The following ZNF347 variants were observed in gnomAD, a reference collection of about 807,000 sequenced individuals.
ZNF347 encodes the protein zinc finger protein 347, also known as CTD-2620I22.7.
In ZNF347, 19 loss-of-function variants were observed where a neutral mutation model predicts 12.9. That is an observed-to-expected ratio of 1.47 (90% confidence interval 1.03 to 2.16). The LOEUF (loss-of-function observed/expected upper bound fraction) is 2.16, where lower values mean the gene tolerates loss of function less well. Among genes scored for constraint, ZNF347 ranks in the 30% most tolerant of loss-of-function variants. ZNF347 has a pLI of 0.00. For synonymous variants in ZNF347, 328 were observed against 340.6 expected, an observed-to-expected ratio of 0.96 and a Z score of 0.41; for missense variants, 1,005 against 990.6, an observed-to-expected ratio of 1.01 and a Z score of -0.19.
chr19:53,137,039 C>T lies in ZNF347; in HGVS notation c.*3269G>A, dbSNP rs1389501156. On this transcript the variant is annotated 3_prime_UTR_variant, in exon 5 of 5. Transcript: ENST00000334197. Reference sequence around the variant, plus strand: ...TAGCTAGGACTACAGGAGTGCGCCACCACACCTGGCTAATTTTTGTATTTT... The same window carrying T: ...TAGCTAGGACTACAGGAGTGCGCCATCACACCTGGCTAATTTTTGTATTTT... The T allele has an allele frequency of 6.6e-6, 1 of 152,248 alleles. No homozygotes were observed. Among genetic ancestry groups the T allele is most frequent in the African/African-American group, 2.4e-5 (1 of 41,434 alleles). The allele number at this position is 152,248 out of a possible 1,614,324, so 9.4% of individuals were successfully genotyped here. A position where few individuals can be genotyped will look rare whatever the true frequency, so the allele number is the denominator to read the frequency against.
chr19:53,149,006 T>C (rs764169325), intron 3 of ZNF347, 197 bp from the exon 4 acceptor site: 41 of 1,089,824 alleles, frequency 3.8e-5, no homozygotes, highest in Non-Finnish European at 4.8e-5. Context: ...AACCACTGAA[T>C]CAAAGCATGG....
intron 4 of ZNF347, among the ~76,000 whole-genome samples, chr19:53,145,677 G>A (rs903128551): frequency 3.3e-5 from 5 of 151,940 alleles, no homozygotes; most frequent in Admixed American, 6.6e-5. Flanking sequence ...CCAGGCATGA[G>A]CCACCATGCC....
chr19:53,140,109 A>C lies in ZNF347; in HGVS notation c.*199T>G. 1.9e-6 allele frequency: 1 copy of C among 526,680 alleles called. No homozygotes were observed. Among genetic ancestry groups the C allele is most frequent in the Non-Finnish European group, 3.3e-6 (1 of 303,986 alleles). The allele number at this position is 526,680 out of a possible 1,614,324, so 32.6% of individuals were successfully genotyped here. A position where few individuals can be genotyped will look rare whatever the true frequency, so the allele number is the denominator to read the frequency against. On this transcript the variant is annotated 3_prime_UTR_variant, in exon 5 of 5. Coordinates refer to ENST00000334197, the MANE Select transcript of ZNF347 (RefSeq NM_032584.3). Reference sequence around the variant, plus strand: ...GAAATGGGGTTTCGCCATGTTGGTCAGGCTGGTCTTGAACTCCTGACCTCA... The same window carrying C: ...GAAATGGGGTTTCGCCATGTTGGTCCGGCTGGTCTTGAACTCCTGACCTCA...
At chr19:53,146,428 C>T (rs2090463885) in intron 4 of ZNF347, among the ~76,000 whole-genome samples, 1 of 152,012 alleles carries the variant, frequency 6.6e-6, no homozygotes, top group Admixed American at 6.6e-5. Context: ...AAACGCACTA[C>T]CATGCTTGGC....
At chr19:53,154,943 G>GT (rs562142775) in intron 1 of ZNF347, among the ~76,000 whole-genome samples, 405 of 144,122 alleles carry the variant, frequency 2.8e-3, no homozygotes, top group Middle Eastern at 0.014. Context: ...GTTTTGTTTT[G>GT]TTTTTTTTTT....
chr19:53,154,171 C>T (rs2146814149), intron 1 of ZNF347, among the ~76,000 whole-genome samples: 1 of 152,242 alleles, frequency 6.6e-6, no homozygotes, highest in African/African-American at 2.4e-5. Flanking sequence ...GATTGCAGGC[C>T]AATCTCAGGC....
chr19:53,155,809 C>G (rs116392328), intron 1 of ZNF347, among the ~76,000 whole-genome samples: 1,576 of 152,236 alleles, frequency 0.01, 36 homozygotes, highest in African/African-American at 0.036. Context: ...AATTGCAGGG[C>G]CAGCAGCAGC....
At chr19:53,149,080 G>C (rs1405958640) in intron 3 of ZNF347, 161 bp downstream of exon 3, 2 of 1,420,250 alleles carry the variant, frequency 1.4e-6, no homozygotes, top group African/African-American at 2.9e-5. Flanking sequence ...ATCAGGAAGA[G>C]GAAAATTAAA....
At chr19:53,152,970 C>T (rs758149422) in intron 2 of ZNF347, among the ~76,000 whole-genome samples, 14 of 152,068 alleles carry the variant, frequency 9.2e-5, no homozygotes, top group Non-Finnish European at 1.0e-4. Context: ...AAAACAAGAA[C>T]GTGGTTCTAC....
chr19:53,155,641 A>G (rs759846048), intron 1 of ZNF347, among the ~76,000 whole-genome samples: 18 of 152,102 alleles, frequency 1.2e-4, no homozygotes, highest in Non-Finnish European at 2.5e-4. Flanking sequence ...AGCCCTGTGT[A>G]CGTGTCTTAA....
chr19:53,149,553 A>G (rs768190907), intron 2 of ZNF347, 186 bp from the exon 3 acceptor site: 31 of 1,217,468 alleles, frequency 2.5e-5, no homozygotes, highest in African/African-American at 4.7e-5. Context: ...CTCTGGAGTG[A>G]TAAGTGCCTT....
chr19:53,144,401 G>C (rs2090449720), intron 4 of ZNF347, among the ~76,000 whole-genome samples: 1 of 152,036 alleles, frequency 6.6e-6, no homozygotes, highest in Non-Finnish European at 1.5e-5. Context: ...ATGAGAAAAG[G>C]ATCAACTTAG....
Position 53,139,333 on chromosome 19 carries a change from C to T in ZNF347, c.*975G>A, listed in dbSNP as rs1280671149. The T allele has an allele frequency of 6.6e-6, 1 of 152,172 alleles. No homozygotes were observed. The highest frequency in any genetic ancestry group is 1.5e-5 in the Non-Finnish European group (1 of 68,030). 9.4% of individuals were successfully genotyped at this position (152,172 alleles called of 1,614,324 possible). A position where few individuals can be genotyped will look rare whatever the true frequency, so the allele number is the denominator to read the frequency against. ...TTTAATTTTACAAGGCAGAGTCCTC[C>T]TTCTTCAATAAACATGGATAAAAAT... On this transcript the variant is annotated 3_prime_UTR_variant, in exon 5 of 5. Transcript: ENST00000334197.
In ZNF347 at chr19:53,141,378, GT is replaced by G. The variant is rs759604861; in HGVS notation, c.1449del (p.Lys483AsnfsTer18). ...ARHQLIHTGE[K>X]PYKCNECGKA... ...TTGCCACACTCATTACACTTATAAG[GT>G]TTCTCTCCAGTATGAATTAGCTGAT... On this transcript the variant is annotated frameshift_variant, in exon 5 of 5. Transcript: ENST00000334197. LOFTEE classifies it low-confidence loss of function (END_TRUNC). 5.6e-6 allele frequency: 9 copies of G among 1,613,880 alleles called. No homozygotes were observed. Among genetic ancestry groups the G allele is most frequent in the African/African-American group, 4.0e-5 (3 of 74,894 alleles).
chr19:53,157,915 T>C (rs1188833490), intron 1 of ZNF347, among the ~76,000 whole-genome samples: 1 of 152,190 alleles, frequency 6.6e-6, no homozygotes, highest in Non-Finnish European at 1.5e-5. Context: ...CTTTTCTCCT[T>C]CTGCCTTCTC....
intron 4 of ZNF347, among the ~76,000 whole-genome samples, chr19:53,146,732 C>A (rs896829959): frequency 6.6e-6 from 1 of 151,910 alleles, no homozygotes; most frequent in Non-Finnish European, 1.5e-5. Context: ...CCATTAGGGA[C>A]AATTATGAAC....
chr19:53,144,692 C>T (rs975991602), intron 4 of ZNF347, among the ~76,000 whole-genome samples: 7 of 152,160 alleles, frequency 4.6e-5, no homozygotes, highest in African/African-American at 1.7e-4. Flanking sequence ...TGCCTAGTCA[C>T]AGGTGAGTTC....
intron 4 of ZNF347, among the ~76,000 whole-genome samples, chr19:53,146,044 C>T (rs941458035): frequency 1.3e-5 from 2 of 151,644 alleles, no homozygotes; most frequent in African/African-American, 4.8e-5. Flanking sequence ...GGCATGATAC[C>T]AGCTCACCAT....
rs541045490 is a variant in ZNF347 at position 53,136,553 on chromosome 19, C to T, written c.*3755G>A. 2.2e-4 allele frequency: 33 copies of T among 149,684 alleles called. No homozygotes were observed. In the South Asian group the frequency reaches 4.9e-3, roughly 22 times the overall value. 9.3% of individuals were successfully genotyped at this position (149,684 alleles called of 1,614,324 possible). A position where few individuals can be genotyped will look rare whatever the true frequency, so the allele number is the denominator to read the frequency against. ...TTCAAGACCAACCTGGCCAACATAG[C>T]GAGACCCCACGTCTAAAAAGAAAAA... On this transcript the variant is annotated 3_prime_UTR_variant, in exon 5 of 5. Coordinates refer to ENST00000334197, the MANE Select transcript of ZNF347 (RefSeq NM_032584.3).
Sources: allele counts gnomAD v4.1 joint callset (sites outside exome capture counted in the v4.1 genomes callset), GRCh38; gene constraint gnomAD v4.1.1; transcripts MANE v1.5; gene names NCBI Gene and HGNC (gene_info 2026-07-23, HGNC 2026-07-21).